The following CNTN5 variants were observed in gnomAD, a reference collection of about 807,000 sequenced individuals.
The protein encoded by CNTN5 is contactin 5, also known as contactin-5.
Under a neutral mutation model 129.1 loss-of-function variants are expected in CNTN5, and 77 were observed. The observed-to-expected ratio is 0.60, with a 90% CI of 0.50 to 0.72. The LOEUF is 0.72. CNTN5 is among the 30% of genes least tolerant of loss of function. The pLI is 0.00. For missense variants in CNTN5, 1,478 were observed against 1,328.8 expected (o/e 1.11, Z -1.75); for synonymous variants, 509 against 465.6 (o/e 1.09, Z -1.20).
intron 21 of CNTN5, among the ~76,000 whole-genome samples, chr11:100,333,598 T>C (rs1951958047): frequency 1.3e-5 from 2 of 151,896 alleles, no homozygotes; most frequent in African/African-American, 4.8e-5. Flanking sequence ...ACATAGCCCA[T>C]TGGAACAGAA....
Position 100,061,305 on chromosome 11 carries a change from T to G in CNTN5, c.1074T>G (p.Asn358Lys), listed in dbSNP as rs776919295. 9.9e-6 allele frequency: 16 copies of G among 1,613,600 alleles called. No homozygotes were observed. In the African/African-American group the frequency reaches 2.1e-4, roughly 22 times the overall value. Residue 358 changes from asparagine to lysine, a missense_variant, in exon 10 of 25, where the codon AAT becomes AAG. By Grantham distance (94) the Asn-to-Lys change is moderately conservative. Coordinates refer to ENST00000524871, the MANE Select transcript of CNTN5 (RefSeq NM_014361.4). ...CTCAGGCGGTGCTGGAAATACCGAATGTACAGCTGGATGATGCAGGCATTT... is the reference window on the plus strand; with the variant it reads ...CTCAGGCGGTGCTGGAAATACCGAAGGTACAGCTGGATGATGCAGGCATTT... ...RKSQAVLEIPNVQLDDAGIYE... is the reference protein window; with the variant it reads ...RKSQAVLEIPKVQLDDAGIYE...
chr11:100,306,321 A>G (rs1951348766), intron 20 of CNTN5, among the ~76,000 whole-genome samples: 2 of 151,668 alleles, frequency 1.3e-5, no homozygotes, highest in Admixed American at 6.6e-5. Flanking sequence ...AAACTTGTAC[A>G]GTACTACTGA....
At chr11:99,332,267 A>C (rs1326285004) in intron 2 of CNTN5, among the ~76,000 whole-genome samples, 2 of 150,522 alleles carry the variant, frequency 1.3e-5, no homozygotes, top group Admixed American at 6.7e-5. Flanking sequence ...TTCATGTTAA[A>C]ATTAAGATCA....
intron 1 of CNTN5, among the ~76,000 whole-genome samples, chr11:99,066,728 C>T (rs1458732032): frequency 2.0e-5 from 3 of 152,100 alleles, no homozygotes; most frequent in Non-Finnish European, 4.4e-5. Context: ...GTGGCCCCAG[C>T]TCTTACATTG....
chr11:99,247,832 G>C (rs962396207), intron 1 of CNTN5, among the ~76,000 whole-genome samples: 27 of 152,124 alleles, frequency 1.8e-4, no homozygotes, highest in African/African-American at 6.0e-4. Context: ...TGGTGTATAT[G>C]TGCCACATTT....
intron 21 of CNTN5, among the ~76,000 whole-genome samples, chr11:100,328,208 T>C (rs1951828748): frequency 6.6e-6 from 1 of 151,356 alleles, no homozygotes; most frequent in Non-Finnish European, 1.5e-5. Context: ...AATTAAAAAT[T>C]AGCTGGGTGT....
At chr11:99,630,230 A>ATG (rs139106391) in intron 3 of CNTN5, among the ~76,000 whole-genome samples, 85,978 of 145,864 alleles carry the variant, frequency 0.59, 25,119 homozygotes, top group Admixed American at 0.71. Context: ...TTGCTTATGG[A>ATG]TGTGTGTGTG....
chr11:99,555,393 T>G (rs1948631616), intron 2 of CNTN5, among the ~76,000 whole-genome samples: 1 of 152,052 alleles, frequency 6.6e-6, no homozygotes, highest in Non-Finnish European at 1.5e-5. Flanking sequence ...TGTCAAGTTC[T>G]TGCAGAAAGT....
At chr11:99,935,986 C>T (rs1195952864) in intron 7 of CNTN5, among the ~76,000 whole-genome samples, 2 of 152,142 alleles carry the variant, frequency 1.3e-5, no homozygotes, top group Admixed American at 6.5e-5. Context: ...CATTCTCTCA[C>T]GTATGTTTTG....
intron 3 of CNTN5, among the ~76,000 whole-genome samples, chr11:99,769,366 A>T (rs1591133363): frequency 1.3e-5 from 2 of 152,150 alleles, no homozygotes; most frequent in South Asian, 4.1e-4. Context: ...GTGGTGATTT[A>T]ACACAAAAAC....
At chr11:99,415,772 A>G (rs1942630181) in intron 2 of CNTN5, among the ~76,000 whole-genome samples, 1 of 152,300 alleles carries the variant, frequency 6.6e-6, no homozygotes, top group East Asian at 1.9e-4. Context: ...ATTAACAGAT[A>G]GTCGTGCAAT....
intron 3 of CNTN5, among the ~76,000 whole-genome samples, chr11:99,607,071 T>C (rs1318843929): frequency 8.3e-6 from 1 of 119,966 alleles, no homozygotes; most frequent in Non-Finnish European, 1.8e-5. Context: ...CCAAAAGCAA[T>C]GGCAACAAAA....
At chr11:99,301,175 A>C (rs1864616752) in intron 1 of CNTN5, among the ~76,000 whole-genome samples, 2 of 151,854 alleles carry the variant, frequency 1.3e-5, no homozygotes, top group African/African-American at 4.8e-5. Context: ...AGTAGGCAAG[A>C]ATCTAAGAAC....
intron 3 of CNTN5, among the ~76,000 whole-genome samples, chr11:99,719,041 G>A (rs927306151): frequency 2.6e-5 from 4 of 152,186 alleles, no homozygotes; most frequent in South Asian, 2.1e-4. Flanking sequence ...AACAGAGAGC[G>A]GGTGTGGTGT....
chr11:100,212,640 T>C (rs147408435), intron 15 of CNTN5, among the ~76,000 whole-genome samples: 71 of 152,272 alleles, frequency 4.7e-4, no homozygotes, highest in African/African-American at 1.6e-3. Flanking sequence ...GGGGAAGTCA[T>C]GTCCCTTGTC....
intron 1 of CNTN5, among the ~76,000 whole-genome samples, chr11:99,229,993 G>A (rs1446935006): frequency 1.5e-4 from 23 of 151,782 alleles, no homozygotes; most frequent in Non-Finnish European, 7.4e-5. Context: ...TAGAAAAAGA[G>A]GTACATTTTT....
intron 3 of CNTN5, among the ~76,000 whole-genome samples, chr11:99,771,723 A>G (rs757342245): frequency 2.0e-5 from 3 of 152,030 alleles, no homozygotes; most frequent in African/African-American, 7.2e-5. Flanking sequence ...GATTTAATAT[A>G]CAGCATGTCA....
chr11:99,055,049 C>A (rs893574943), intron 1 of CNTN5, among the ~76,000 whole-genome samples: 3 of 151,784 alleles, frequency 2.0e-5, no homozygotes, highest in African/African-American at 7.3e-5. Flanking sequence ...ATTTCTATGC[C>A]CTATTCCCAG....
chr11:99,571,904 G>A (rs1311141591), intron 3 of CNTN5, among the ~76,000 whole-genome samples: 2 of 152,080 alleles, frequency 1.3e-5, no homozygotes, highest in African/African-American at 2.4e-5. Context: ...CATAAAGCAA[G>A]CTATAAAGAC....
Sources: gnomAD v4.1 joint callset for allele counts (sites outside exome capture counted in the v4.1 genomes callset) on GRCh38, gnomAD v4.1.1 for gene constraint, MANE v1.5 for transcripts, NCBI Gene and HGNC (gene_info 2026-07-23, HGNC 2026-07-21) for gene names.